Variants in IP6K2 observed in about 807,000 individuals in gnomAD.
IP6K2 encodes ATP:1D-myo-inositol-hexakisphosphate phosphotransferase.
Under a neutral mutation model 43.3 loss-of-function variants are expected in IP6K2, and 9 were observed. The ratio of observed to expected loss-of-function variants is 0.21; its 90% CI spans 0.13 to 0.36. The LOEUF is 0.36. Ranked by LOEUF, IP6K2 falls within the 10% of genes least tolerant of loss-of-function variation. IP6K2 has a pLI of 1.00. For missense variants in IP6K2, 332 were observed against 538.4 expected, an observed-to-expected ratio of 0.62 and a Z score of 3.79; for synonymous variants, 209 against 202.4, an observed-to-expected ratio of 1.03 and a Z score of -0.28.
In IP6K2 at chr3:48,695,370, C is replaced by T. The variant is rs778209107; in HGVS notation, c.-79G>A. ...GTACGTCTTCTGTCTGTTGTTTGTC[C>T]GTGTGTCCCTCTCGTCTTGGCTCCT... On this transcript the variant is annotated 5_prime_UTR_variant, in exon 2 of 6. Coordinates refer to ENST00000328631, the MANE Select transcript of IP6K2 (RefSeq NM_016291.4). The surrounding 1 kb of genome is among the most constrained non-coding windows in gnomAD (Gnocchi z 4.6). The T allele has an allele frequency of 1.0e-5, 15 of 1,493,602 alleles. No homozygotes were observed. The highest frequency in any genetic ancestry group is 4.8e-5 in the East Asian group (2 of 41,308). The allele number at this position is 1,493,602 out of a possible 1,614,324, so 92.5% of individuals were successfully genotyped here. A position where few individuals can be genotyped will look rare whatever the true frequency, so the allele number is the denominator to read the frequency against.
Position 48,695,029 on chromosome 3 carries a change from T to C in IP6K2, c.202+61A>G, listed in dbSNP as rs957141808. The C allele has an allele frequency of 8.1e-6, 13 of 1,613,910 alleles. No homozygotes were observed. The highest frequency in any genetic ancestry group is 2.2e-5 in the South Asian group (2 of 91,082). ...CAGGGATGGCTGCCAGGGCCTTCCA[T>C]GGCCACGATCTCTCACATCTCCTCG... On this transcript the variant is annotated intron_variant, in intron 2 of 5. Transcript: ENST00000328631. This position sits in a 1 kb window ranked among gnomAD's most constrained non-coding sequence, Gnocchi z 4.6.
intron 4 of IP6K2, among the ~76,000 whole-genome samples, chr3:48,690,787 CAA>C (rs538609739): frequency 2.1e-4 from 11 of 51,188 alleles, no homozygotes; most frequent in Admixed American, 5.5e-4. Flanking sequence ...GACTCTGTCT[CAA>C]AAAAAAAAAA....
Position 48,688,834 on chromosome 3 carries a change from C to T in IP6K2, c.781-61G>A, listed in dbSNP as rs1575580151. The T allele has an allele frequency of 7.8e-6, 12 of 1,534,660 alleles. No homozygotes were observed. In the East Asian group the frequency reaches 1.6e-4, roughly 20 times the overall value. ...GCCATCTCAAACCCTGGACCCCGGG[C>T]GGGGGTGGGGTGGTGTGGTGGTGGC... On this transcript the variant is annotated intron_variant, in intron 5 of 5. Coordinates refer to ENST00000328631, the MANE Select transcript of IP6K2 (RefSeq NM_016291.4). This position sits in a 1 kb window ranked among gnomAD's most constrained non-coding sequence, Gnocchi z 5.1.
intron 1 of IP6K2, among the ~76,000 whole-genome samples, chr3:48,698,688 G>T (rs547466013): frequency 5.3e-5 from 8 of 152,222 alleles, no homozygotes; most frequent in Non-Finnish European, 1.0e-4. Context: ...GGCCAGGCTG[G>T]TCTCGAAATC....
At chr3:48,712,327 C>T (rs1036276627) in intron 1 of IP6K2, among the ~76,000 whole-genome samples, 1 of 151,112 alleles carries the variant, frequency 6.6e-6, no homozygotes, top group African/African-American at 2.4e-5. Flanking sequence ...ACTGCAAGCT[C>T]CGCTTCCCAG....
chr3:48,691,506 A>G, intron 3 of IP6K2, 24 bp from the exon 4 acceptor site: 1 of 1,561,824 alleles, frequency 6.4e-7, no homozygotes, highest in Admixed American at 1.7e-5. Context: ...AGGACCAATA[A>G]ATCAGTATGT....
rs2078189380 is a variant in IP6K2, at chr3:48,695,133, C to T, written c.159G>A (p.Glu53=). Residue 53 remains glutamate, a synonymous_variant, in exon 2 of 6, where the codon GAG becomes GAA. Coordinates refer to ENST00000328631, the MANE Select transcript of IP6K2 (RefSeq NM_016291.4). The surrounding 1 kb of genome is among the most constrained non-coding windows in gnomAD (Gnocchi z 4.6). ...ATTTGCGCATCTCAGCAGGGAGGGT[C>T]TCGTAGAACTGATGTTCCCTTGGGA... ...PLVPREHQFY[E]TLPAEMRKFT... 1 of 1,611,516 alleles carries T rather than the reference C, an allele frequency of 6.2e-7. No homozygotes were observed. Among genetic ancestry groups the T allele is most frequent in the South Asian group, 1.1e-5 (1 of 90,974 alleles).
At chr3:48,690,317 G>T (rs1255020174) in intron 4 of IP6K2, among the ~76,000 whole-genome samples, 1 of 152,216 alleles carries the variant, frequency 6.6e-6, no homozygotes, top group East Asian at 1.9e-4. Flanking sequence ...GCTAGGAATG[G>T]TTTTTACATT....
At chr3:48,694,004 A>T in intron 2 of IP6K2, 76 of 1,381,998 alleles carry the variant, frequency 5.5e-5, no homozygotes, top group Admixed American at 3.9e-4. Flanking sequence ...CGACTGGCTG[A>T]ACACCTTTCC....
At chr3:48,704,658 A>G (rs934716206) in intron 1 of IP6K2, among the ~76,000 whole-genome samples, 2 of 152,132 alleles carry the variant, frequency 1.3e-5, no homozygotes, top group Admixed American at 1.3e-4. Flanking sequence ...TTCTGTGTAG[A>G]GACGGGGTTT....
rs1222781372 is a variant in IP6K2 at position 48,692,888 on chromosome 3, C to A, written c.428+66G>T. On this transcript the variant is annotated intron_variant, in intron 3 of 5. Coordinates refer to ENST00000328631, the MANE Select transcript of IP6K2 (RefSeq NM_016291.4). ...CAGTCCTTAGCTCCAGGGAACTGGG[C>A]TGTAACCAAAACCCCCAACACTTCC... The A allele has an allele frequency of 1.0e-5, 12 of 1,202,936 alleles. No homozygotes were observed. The East Asian group carries it at 2.3e-4, about 23-fold the overall frequency. 74.5% of individuals were successfully genotyped at this position (1,202,936 alleles called of 1,614,324 possible). A position where few individuals can be genotyped will look rare whatever the true frequency, so the allele number is the denominator to read the frequency against.
rs767270973 is a variant in IP6K2, at chr3:48,689,681, A to G, written c.637T>C (p.Tyr213His). Residue 213 changes from tyrosine (Y) to histidine (H), a missense_variant, in exon 5 of 6, where the codon TAC (tyrosine) becomes CAC (histidine). Physicochemically the swap from Tyr to His is moderately conservative, Grantham distance 83. Coordinates refer to ENST00000328631, the MANE Select transcript of IP6K2 (RefSeq NM_016291.4). ...AGGTCAAGGACACAAGGCACCTCGT[A>G]GCGGGAAGTCAGGTTTTCCAGTAAG... ...FILLENLTSR[Y>H]EVPCVLDLKM... The G allele has an allele frequency of 7.4e-6, 12 of 1,613,906 alleles. No homozygotes were observed. The highest frequency in any genetic ancestry group is 1.0e-5 in the Non-Finnish European group (12 of 1,179,962).
At chr3:48,712,036 G>A (rs1383989198) in intron 1 of IP6K2, among the ~76,000 whole-genome samples, 1 of 152,034 alleles carries the variant, frequency 6.6e-6, no homozygotes, top group Non-Finnish European at 1.5e-5. Context: ...AGTGAAAGTG[G>A]GCAGGCTTGG....
intron 1 of IP6K2, among the ~76,000 whole-genome samples, chr3:48,697,430 A>G (rs991582038): frequency 7.3e-6 from 1 of 137,464 alleles, no homozygotes; most frequent in Non-Finnish European, 1.5e-5. Context: ...GTCTCATGCG[A>G]TTCTCCTGCC....
rs1286108849 is a variant in IP6K2, at chr3:48,689,524, A to G, written c.780+14T>C. ...GCCACTGGATGCCCTAGCCAGCCCT[A>G]GCATCCCCCTCACCTGCATGCCACA... is the stretch of plus-strand genomic sequence containing the variant. On this transcript the variant is annotated intron_variant, in intron 5 of 5. Coordinates refer to ENST00000328631, the MANE Select transcript of IP6K2 (RefSeq NM_016291.4). 7 of 1,604,606 alleles carry G rather than the reference A, an allele frequency of 4.4e-6. No individual in the cohort carries two copies. The highest frequency in any genetic ancestry group is 6.0e-6 in the Non-Finnish European group (7 of 1,175,898).
At chr3:48,712,722 A>C (rs999033949) in intron 1 of IP6K2, among the ~76,000 whole-genome samples, 5 of 149,602 alleles carry the variant, frequency 3.3e-5, no homozygotes, top group African/African-American at 7.4e-5. Context: ...TTTATTTAAA[A>C]TTTGTATGTG....
At chr3:48,694,358 G>C in intron 2 of IP6K2, 1 of 1,545,742 alleles carries the variant, frequency 6.5e-7, no homozygotes, top group Non-Finnish European at 8.7e-7. Context: ...TGTCCTTAAA[G>C]ACAATGTTTC....
chr3:48,689,767 G>T (rs2077608931), intron 4 of IP6K2, 54 bp from the exon 5 acceptor site: 9 of 1,515,942 alleles, frequency 5.9e-6, no homozygotes, highest in Non-Finnish European at 7.3e-6. Context: ...ATGGGTCCTT[G>T]GCACTCTCAA....
chr3:48,704,040 G>A lies in IP6K2; in HGVS notation c.-130-8619C>T, dbSNP rs144636808. 3.3e-5 allele frequency among the ~76,000 whole-genome samples: 5 copies of A among 151,872 alleles called. No homozygotes were observed. The East Asian group carries it at 5.8e-4, about 18-fold the overall frequency. On this transcript the variant is annotated intron_variant, in intron 1 of 5. Transcript: ENST00000328631. ...CCAGGAGGCAGAGGCTGCAGTGACC[G>A]GAGATTGCGCCACTGCACTCTAGCC...
Sources: gnomAD v4.1 joint callset for allele counts (sites outside exome capture counted in the v4.1 genomes callset) on GRCh38, gnomAD v4.1.1 for gene constraint, Gnocchi (gnomAD v3.1) non-coding constraint, MANE v1.5 for transcripts, NCBI Gene and HGNC (gene_info 2026-07-23, HGNC 2026-07-21) for gene names.